The following PARD6G variants were observed in gnomAD, a reference collection of about 807,000 sequenced individuals.
PARD6G encodes the protein par-6 family cell polarity regulator gamma.
A neutral mutation model predicts 10.7 loss-of-function variants in PARD6G; 7 were observed. That is an observed-to-expected ratio of 0.66 (90% CI 0.37 to 1.23). PARD6G has a LOEUF of 1.23. Ranked by LOEUF, PARD6G falls within the 50% of genes most tolerant of loss-of-function variation. The pLI is 0.02. For synonymous variants in PARD6G, 287 were observed against 269.4 expected, an observed-to-expected ratio of 1.07 and a Z score of -0.64; for missense variants, 548 against 571.8, an observed-to-expected ratio of 0.96 and a Z score of 0.42.
intron 1 of PARD6G, among the ~76,000 whole-genome samples, chr18:80,240,144 T>C (rs1256178401): frequency 6.6e-6 from 1 of 152,206 alleles, no homozygotes; most frequent in Non-Finnish European, 1.5e-5. Context: ...ACACTTCCGT[T>C]TAGGCTGTAC....
intron 2 of PARD6G, among the ~76,000 whole-genome samples, chr18:80,187,099 G>GAA (rs1166529542): frequency 4.8e-5 from 6 of 125,376 alleles, no homozygotes; most frequent in South Asian, 2.5e-4. Context: ...TCTGTCTCAA[G>GAA]AAAAAAAAAA....
Position 80,190,398 on chromosome 18 carries a change from G to T in PARD6G, c.295+12312C>A, listed in dbSNP as rs573841420. 5.3e-5 allele frequency among the ~76,000 whole-genome samples: 8 copies of T among 152,328 alleles called. No individual in the cohort carries two copies. The South Asian group carries it at 1.7e-3, about 32-fold the overall frequency. ...TTCTGTGTACACTGCCTCTCGTCCA[G>T]AGTCTGTTCCCAGTGGGCACTCTGC... On this transcript the variant is annotated intron_variant, in intron 2 of 2. Transcript: ENST00000353265.
intron 1 of PARD6G, among the ~76,000 whole-genome samples, chr18:80,239,554 A>G (rs1257673861): frequency 2.6e-5 from 4 of 152,216 alleles, no homozygotes; most frequent in Non-Finnish European, 4.4e-5. Flanking sequence ...CCCATAGGCC[A>G]TGGATTGGAC....
At chr18:80,173,365 C>T (rs1393808629) in intron 2 of PARD6G, among the ~76,000 whole-genome samples, 2 of 152,152 alleles carry the variant, frequency 1.3e-5, no homozygotes, top group African/African-American at 4.8e-5. Flanking sequence ...TGGCTCACGT[C>T]TGTAATCCCA....
chr18:80,162,832 C>T (rs2052709663), intron 2 of PARD6G, among the ~76,000 whole-genome samples: 1 of 152,126 alleles, frequency 6.6e-6, no homozygotes, highest in Non-Finnish European at 1.5e-5. Context: ...GCACAGAGCT[C>T]CTCTTCCCGT....
chr18:80,244,628 T>C (rs958043815), intron 1 of PARD6G, among the ~76,000 whole-genome samples: 1 of 152,204 alleles, frequency 6.6e-6, no homozygotes, highest in Non-Finnish European at 1.5e-5. Flanking sequence ...AGAAAAGGTA[T>C]CATGCCCATT....
chr18:80,224,826 G>A (rs963419730), intron 1 of PARD6G, among the ~76,000 whole-genome samples: 5 of 150,782 alleles, frequency 3.3e-5, no homozygotes, highest in Admixed American at 6.7e-5. Flanking sequence ...CAGCCTGGTC[G>A]ACAGAGTGAG....
At chr18:80,185,727 C>T (rs1018608983) in intron 2 of PARD6G, among the ~76,000 whole-genome samples, 11 of 149,952 alleles carry the variant, frequency 7.3e-5, no homozygotes, top group South Asian at 2.1e-4. Context: ...CCCTCACACA[C>T]GCATATACAC....
chr18:80,172,322 T>C (rs1463276154), intron 2 of PARD6G, among the ~76,000 whole-genome samples: 1 of 152,208 alleles, frequency 6.6e-6, no homozygotes, highest in Non-Finnish European at 1.5e-5. Flanking sequence ...AATATCTTTT[T>C]TGGAGAGATG....
chr18:80,168,039 C>T (rs939450176), intron 2 of PARD6G, among the ~76,000 whole-genome samples: 12 of 152,154 alleles, frequency 7.9e-5, no homozygotes, highest in Admixed American at 1.3e-4. Flanking sequence ...CAAGTGCATG[C>T]GACTCTGGTT....
intron 1 of PARD6G, among the ~76,000 whole-genome samples, chr18:80,224,649 C>CAA (rs1268756966): frequency 2.0e-5 from 3 of 152,186 alleles, no homozygotes; most frequent in Non-Finnish European, 2.9e-5. Flanking sequence ...AGTTCAAGAC[C>CAA]AACCTGGCTA....
chr18:80,167,260 C>T (rs1208203518), intron 2 of PARD6G, among the ~76,000 whole-genome samples: 1 of 149,566 alleles, frequency 6.7e-6, no homozygotes, highest in African/African-American at 2.5e-5. Context: ...GGCAGTGTTG[C>T]GTGTGGACGT....
At position 80,183,172 on chromosome 18, in the gene PARD6G, A is replaced by T. The variant is rs748529711; in HGVS notation, c.295+19538T>A. 1 of 702,972 alleles carries T rather than the reference A, an allele frequency of 1.4e-6. No individual in the cohort carries two copies. Among genetic ancestry groups the T allele is most frequent in the South Asian group, 1.5e-5 (1 of 67,596 alleles). The allele number at this position is 702,972 out of a possible 1,614,324, so 43.5% of individuals were successfully genotyped here. A position where few individuals can be genotyped will look rare whatever the true frequency, so the allele number is the denominator to read the frequency against. On this transcript the variant is annotated intron_variant, in intron 2 of 2. Transcript: ENST00000353265. The surrounding 1 kb of genome is among the most constrained non-coding windows in gnomAD (Gnocchi z 4.5). ...TCATCTGCAGGAAAATTAGTGAAGA[A>T]GTGGAGGGCCTTGCAATGTGAAAGG...
chr18:80,212,660 C>T (rs946403880), intron 1 of PARD6G, among the ~76,000 whole-genome samples: 12 of 152,020 alleles, frequency 7.9e-5, no homozygotes, highest in Middle Eastern at 3.4e-3. Context: ...CCAAGGCGGG[C>T]GGATGATGAG....
chr18:80,162,256 G>A (rs974062782), intron 2 of PARD6G: 16 of 152,194 alleles, frequency 1.1e-4, no homozygotes, highest in Admixed American at 8.5e-4. Context: ...AAGGACTTTT[G>A]AAATAAGATG....
At chr18:80,239,159 G>A (rs1052853329) in intron 1 of PARD6G, among the ~76,000 whole-genome samples, 1 of 152,116 alleles carries the variant, frequency 6.6e-6, no homozygotes, top group Non-Finnish European at 1.5e-5. Context: ...GGTGGGGCAG[G>A]GGCCAGGGTA....
intron 1 of PARD6G, among the ~76,000 whole-genome samples, chr18:80,206,671 C>T (rs912938755): frequency 6.6e-6 from 1 of 152,202 alleles, no homozygotes; most frequent in Non-Finnish European, 1.5e-5. Context: ...CTCTCATCTA[C>T]CTGAGTGTGC....
At chr18:80,177,564 A>T (rs563453029) in intron 2 of PARD6G, among the ~76,000 whole-genome samples, 2 of 151,710 alleles carry the variant, frequency 1.3e-5, no homozygotes, top group East Asian at 3.9e-4. Context: ...GATAAATCAC[A>T]GCCCAAATGG....
At chr18:80,218,143 T>C (rs949304509) in intron 1 of PARD6G, among the ~76,000 whole-genome samples, 1 of 152,022 alleles carries the variant, frequency 6.6e-6, no homozygotes, top group Non-Finnish European at 1.5e-5. Context: ...CAAAATCTCA[T>C]GTCCTCACAT....
Sources: allele counts gnomAD v4.1 joint callset (sites outside exome capture counted in the v4.1 genomes callset), GRCh38; gene constraint gnomAD v4.1.1; non-coding constraint Gnocchi (gnomAD v3.1); transcripts MANE v1.5; gene names NCBI Gene and HGNC (gene_info 2026-07-23, HGNC 2026-07-21).